ADHFE1: variants seen among roughly 807,000 people sequenced by gnomAD.
The protein encoded by ADHFE1 is hydroxyacid-oxoacid transhydrogenase, mitochondrial.
A neutral mutation model predicts 54.8 loss-of-function variants in ADHFE1; 37 were observed. The ratio of observed to expected loss-of-function variants is 0.68; its 90% CI spans 0.52 to 0.89. The LOEUF (loss-of-function observed/expected upper bound fraction) is 0.89, where lower values mean the gene tolerates loss of function less well. Ranked by LOEUF, ADHFE1 falls within the 40% of genes least tolerant of loss-of-function variation. The pLI, the probability that ADHFE1 is intolerant of heterozygous loss-of-function variation, is 0.00. For missense variants in ADHFE1, 601 were observed against 591.2 expected, an observed-to-expected ratio of 1.02 and a Z score of -0.17; for synonymous variants, 203 against 229.3, an observed-to-expected ratio of 0.89 and a Z score of 1.04.
Position 66,439,139 on chromosome 8 carries a change from T to C in ADHFE1, c.60-1023T>C, listed in dbSNP as rs867065283. 10 of 970,450 alleles carry C rather than the reference T, an allele frequency of 1.0e-5. No homozygotes were observed. Among genetic ancestry groups the C allele is most frequent in the Middle Eastern group, 5.3e-4 (1 of 1,894 alleles). The allele number at this position is 970,450 out of a possible 1,614,324, so 60.1% of individuals were successfully genotyped here. On this transcript the variant is annotated intron_variant, in intron 1 of 13. Coordinates refer to ENST00000396623, the MANE Select transcript of ADHFE1 (RefSeq NM_144650.3). The surrounding 1 kb of genome is among the most constrained non-coding windows in gnomAD (Gnocchi z 4.4). ...GCTCTCACTCGCCCCCGCGTCTGCT[T>C]TGACTTCGCAGTTCGAATTTTTGAG...
rs368317857 is a variant in ADHFE1 at position 66,460,482 on chromosome 8, C to T, written c.1320+17C>T. On this transcript the variant is annotated intron_variant, in intron 13 of 13. Coordinates refer to ENST00000396623, the MANE Select transcript of ADHFE1 (RefSeq NM_144650.3). ...CTGCCCCAGGTAAGAGACCGGCAGG[C>T]TCCTCACTCCCTGCGAAGGAGCCTA... 6.4e-7 allele frequency: 1 copy of T among 1,557,462 alleles called. No homozygotes were observed. Among genetic ancestry groups the T allele is most frequent in the African/African-American group, 1.4e-5 (1 of 73,158 alleles).
chr8:66,460,236 ATC>A, intron 12 of ADHFE1, 70 bp from the exon 13 acceptor site: 4 of 1,579,170 alleles, frequency 2.5e-6, no homozygotes, highest in Non-Finnish European at 3.5e-6. Context: ...GTATTCACTG[ATC>A]TTGTGACTGA....
intron 9 of ADHFE1, among the ~76,000 whole-genome samples, chr8:66,452,378 G>C (rs1806345825): frequency 6.6e-6 from 1 of 152,170 alleles, no homozygotes; most frequent in East Asian, 1.9e-4. Context: ...TTTGAGATTT[G>C]GCTCCCCAGG....
rs1255160098 is a variant in ADHFE1, at chr8:66,460,440, C to T, written c.1295C>T (p.Ala432Val). 1.3e-6 allele frequency: 2 copies of T among 1,598,204 alleles called. No individual in the cohort carries two copies. The highest frequency in any genetic ancestry group is 1.7e-6 in the Non-Finnish European group (2 of 1,168,122). ...GGTTACTCCAAAGCTGATATCCCCGCACTAGTGAAAGGAACGCTGCCCCAG... is the reference window on the plus strand; with the variant it reads ...GGTTACTCCAAAGCTGATATCCCCGTACTAGTGAAAGGAACGCTGCCCCAG... ...AVGYSKADIP[A>V]LVKGTLPQER... The change falls in exon 13 of 14, where the codon GCA becomes GTA. Residue 432 changes from alanine to valine, a missense_variant. Coordinates refer to ENST00000396623, the MANE Select transcript of ADHFE1 (RefSeq NM_144650.3).
chr8:66,442,309 CTT>C (rs1028439051), intron 2 of ADHFE1, among the ~76,000 whole-genome samples: 23 of 133,778 alleles, frequency 1.7e-4, no homozygotes, highest in Admixed American at 1.5e-4. Context: ...TACATTCTAT[CTT>C]TTTTTTTTTT....
chr8:66,464,559 A>G (rs941650163), intron 13 of ADHFE1, among the ~76,000 whole-genome samples: 4 of 152,126 alleles, frequency 2.6e-5, no homozygotes, highest in African/African-American at 7.2e-5. Flanking sequence ...GGATTTCCAA[A>G]ATTCCTTAGG....
intron 1 of ADHFE1, among the ~76,000 whole-genome samples, chr8:66,435,669 G>A (rs1203210089): frequency 7.6e-6 from 1 of 131,184 alleles, no homozygotes; most frequent in Non-Finnish European, 1.5e-5. Flanking sequence ...GGAGTGCAGT[G>A]ATGTGATCAC....
In ADHFE1 at chr8:66,447,114, C is replaced by T; in HGVS notation, c.551-150C>T. On this transcript the variant is annotated intron_variant, in intron 6 of 13. Transcript: ENST00000396623. Reference sequence around the variant, plus strand: ...CACGGACATCATACATGTTAGGTTTCCATACATGTTAATTCATATATATCA... The same window carrying T: ...CACGGACATCATACATGTTAGGTTTTCATACATGTTAATTCATATATATCA... The T allele has an allele frequency of 7.1e-6, 4 of 559,794 alleles. No homozygotes were observed. In the South Asian group the frequency reaches 7.7e-5, roughly 11 times the overall value. The allele number at this position is 559,794 out of a possible 1,614,324, so 34.7% of individuals were successfully genotyped here. A position where few individuals can be genotyped will look rare whatever the true frequency, so the allele number is the denominator to read the frequency against.
chr8:66,460,059 T>G, intron 12 of ADHFE1: 1 of 487,340 alleles, frequency 2.1e-6, no homozygotes, highest in South Asian at 2.6e-5. Context: ...TCTCTTCTTG[T>G]CTTTGTTCCT....
Position 66,457,087 on chromosome 8 carries a change from G to T in ADHFE1, c.1083G>T (p.Val361=). The T allele has an allele frequency of 1.2e-6, 2 of 1,613,552 alleles. No homozygotes were observed. Among genetic ancestry groups the T allele is most frequent in the East Asian group, 4.5e-5 (2 of 44,890 alleles). ...CTCCCCAGCCCCATGGCCTTTCTGT[G>T]GTGCTCACGTCCCCAGCGGTGTTCA... ...DHPLVPHGLS[V]VLTSPAVFTF... is the part of the protein sequence containing the mutation. The change falls in exon 12 of 14, where the codon GTG becomes GTT. Residue 361 remains valine (V), a synonymous_variant. Transcript: ENST00000396623.
intron 13 of ADHFE1, among the ~76,000 whole-genome samples, chr8:66,462,547 T>A (rs1344308044): frequency 6.6e-6 from 1 of 152,234 alleles, no homozygotes; most frequent in Non-Finnish European, 1.5e-5. Flanking sequence ...CCACAGTGCC[T>A]GGCATTCACT....
At chr8:66,433,086 A>G (rs1805285741) in intron 1 of ADHFE1, among the ~76,000 whole-genome samples, 1 of 152,156 alleles carries the variant, frequency 6.6e-6, no homozygotes, top group Non-Finnish European at 1.5e-5. Context: ...GCAGAGTCAC[A>G]CTTCCTGGCA....
At chr8:66,433,123 T>G (rs1029919116) in intron 1 of ADHFE1, among the ~76,000 whole-genome samples, 2 of 152,088 alleles carry the variant, frequency 1.3e-5, no homozygotes, top group Non-Finnish European at 2.9e-5. Flanking sequence ...GTATTCAATG[T>G]CATGACACGC....
intron 8 of ADHFE1, among the ~76,000 whole-genome samples, chr8:66,451,695 T>C (rs145366461): frequency 7.2e-5 from 11 of 152,312 alleles, no homozygotes; most frequent in African/African-American, 1.9e-4. Flanking sequence ...CTAGAAAAGG[T>C]CCATATATAA....
At position 66,456,176 on chromosome 8, in the gene ADHFE1, A is replaced by G. The variant is rs367670214; in HGVS notation, c.987-641A>G. On this transcript the variant is annotated intron_variant, in intron 10 of 13. Coordinates refer to ENST00000396623, the MANE Select transcript of ADHFE1 (RefSeq NM_144650.3). ...GAATTTTTCAGTAAAAACAAAAACC[A>G]TAATGCCTTTTCTTGATGTCAACTA... Among the ~76,000 whole-genome samples the G allele has an allele frequency of 2.7e-4, 41 of 152,316 alleles. No individual in the cohort carries two copies. The East Asian group carries it at 6.2e-3, about 23-fold the overall frequency.
At chr8:66,442,236 CAT>C (rs1282352901) in intron 2 of ADHFE1, among the ~76,000 whole-genome samples, 1 of 151,406 alleles carries the variant, frequency 6.6e-6, no homozygotes, top group African/African-American at 2.4e-5. Flanking sequence ...TTTTCAAACA[CAT>C]ATTTTAAATA....
At chr8:66,455,949 A>AAAC (rs577773672) in intron 10 of ADHFE1, among the ~76,000 whole-genome samples, 1 of 152,082 alleles carries the variant, frequency 6.6e-6, no homozygotes, top group Non-Finnish European at 1.5e-5. Context: ...AAACCCAAAT[A>AAAC]AACAACAACA....
chr8:66,460,805 A>G (rs561363610), intron 13 of ADHFE1, among the ~76,000 whole-genome samples: 4 of 152,370 alleles, frequency 2.6e-5, no homozygotes, highest in African/African-American at 9.6e-5. Flanking sequence ...AAGGGCTCCT[A>G]TAAATAACTA....
In ADHFE1 at chr8:66,447,988, A is replaced by G. The variant is rs551249357; in HGVS notation, c.628+647A>G. ...CCTTGACAAACATATATGCTCATGT[A>G]ACCACCACCCCAATCAAGATACAAA... On this transcript the variant is annotated intron_variant, in intron 7 of 13. Transcript: ENST00000396623. Among the ~76,000 whole-genome samples, 56 of 152,342 alleles carry G rather than the reference A, an allele frequency of 3.7e-4. 1 individual carries two copies. The South Asian group carries it at 0.012, about 32-fold the overall frequency.
Sources: allele counts gnomAD v4.1 joint callset (sites outside exome capture counted in the v4.1 genomes callset), GRCh38; gene constraint gnomAD v4.1.1; non-coding constraint Gnocchi (gnomAD v3.1); transcripts MANE v1.5; gene names NCBI Gene and HGNC (gene_info 2026-07-23, HGNC 2026-07-21).